TRAPPC12: variants seen among roughly 807,000 people sequenced by gnomAD.
TRAPPC12 encodes trafficking protein particle complex subunit 12, also known as TPR repeat protein 15.
Under a neutral mutation model 69.2 loss-of-function variants are expected in TRAPPC12, and 61 were observed. The ratio of observed to expected loss-of-function variants is 0.88; its 90% CI spans 0.72 to 1.09. TRAPPC12 has a LOEUF of 1.09. Ranked by LOEUF, TRAPPC12 falls within the 50% of genes least tolerant of loss-of-function variation. The pLI, the probability that TRAPPC12 is intolerant of heterozygous loss-of-function variation, is 0.00. For synonymous variants in TRAPPC12, 469 were observed against 438.9 expected (o/e 1.07, Z -0.86); for missense variants, 1,101 against 1,016.4 (o/e 1.08, Z -1.13).
chr2:3,428,211 G>C (rs1211249614), intron 5 of TRAPPC12, among the ~76,000 whole-genome samples: 1 of 152,192 alleles, frequency 6.6e-6, no homozygotes, highest in Non-Finnish European at 1.5e-5. Context: ...TTGGTAAATG[G>C]ATAAAGAGAA....
In TRAPPC12 at chr2:3,388,199, G is replaced by C; in HGVS notation, c.576G>C (p.Ser192=). 1.9e-6 allele frequency: 3 copies of C among 1,609,268 alleles called. No individual in the cohort carries two copies. Among genetic ancestry groups the C allele is most frequent in the Non-Finnish European group, 2.5e-6 (3 of 1,177,946 alleles). ...SPSFGGASEA[S]ARTPPQVVQP... ...GCTTCGGTGGCGCCAGCGAGGCCTC[G>C]GCCAGGACACCGCCCCAGGTCGTGC... is the stretch of plus-strand genomic sequence containing the variant. The change falls in exon 2 of 12, where the codon TCG becomes TCC. Residue 192 remains serine, a synonymous_variant. Coordinates refer to ENST00000324266, the MANE Select transcript of TRAPPC12 (RefSeq NM_016030.6).
intron 9 of TRAPPC12, among the ~76,000 whole-genome samples, chr2:3,470,442 C>T (rs1666012528): frequency 6.6e-6 from 1 of 152,278 alleles, no homozygotes; most frequent in African/African-American, 2.4e-5. Flanking sequence ...CTGCTGGACT[C>T]TCTGCACTGT....
At chr2:3,422,961 C>T (rs1012844389) in intron 4 of TRAPPC12, among the ~76,000 whole-genome samples, 4 of 152,362 alleles carry the variant, frequency 2.6e-5, no homozygotes, top group East Asian at 1.9e-4. Flanking sequence ...AAACTGTGCC[C>T]GGCGCAGTGG....
chr2:3,443,858 T>TA lies in TRAPPC12; in HGVS notation c.1498dup (p.Arg500LysfsTer101), dbSNP rs781465245. 6.2e-7 allele frequency: 1 copy of TA among 1,614,062 alleles called. No homozygotes were observed. Among genetic ancestry groups the TA allele is most frequent in the Non-Finnish European group, 8.5e-7 (1 of 1,180,024 alleles). On this transcript the variant is annotated frameshift_variant, in exon 6 of 12. Coordinates refer to ENST00000324266, the MANE Select transcript of TRAPPC12 (RefSeq NM_016030.6). LOFTEE classifies it high-confidence loss of function. ...TGGGGAACCCACAGGAGTCGCTGGA[T>TA]AGACTGCACAAGGTGAAGACTGTCT...
chr2:3,445,576 A>G (rs1047174373), intron 6 of TRAPPC12, among the ~76,000 whole-genome samples: 1 of 152,218 alleles, frequency 6.6e-6, no homozygotes, highest in South Asian at 2.1e-4. Context: ...CTGAGTTCCA[A>G]TATTAACTCA....
Position 3,478,855 on chromosome 2 carries a change from T to C in TRAPPC12, c.1887T>C (p.Leu629=). Residue 629 remains leucine (L), a synonymous_variant, in exon 11 of 12, where the codon CTT becomes CTC. Coordinates refer to ENST00000324266, the MANE Select transcript of TRAPPC12 (RefSeq NM_016030.6). ...GTTGCTTGTGTTACAGCGCGTTCCT[T>C]CACCTCGGGCAGAATAACTTTGCAG... ...KIMVLMNSAF[L]HLGQNNFAEA... is the part of the protein sequence containing the mutation. 1 of 1,614,050 alleles carries C rather than the reference T, an allele frequency of 6.2e-7. No homozygotes were observed. Among genetic ancestry groups the C allele is most frequent in the Non-Finnish European group, 8.5e-7 (1 of 1,180,012 alleles).
rs144129766 is a variant in TRAPPC12, at chr2:3,448,263, C to T, written c.1530+4372C>T. ...CCATCACACAGCTCCAGAAGCCTCA[C>T]CCTTGAGCACCACTCTGCGGTTCTC... On this transcript the variant is annotated intron_variant, in intron 6 of 11. Transcript: ENST00000324266. Among the ~76,000 whole-genome samples, 117 of 152,314 alleles carry T rather than the reference C, an allele frequency of 7.7e-4. 1 individual carries two copies. Among genetic ancestry groups the T allele is most frequent in the Non-Finnish European group, 1.5e-3 (100 of 68,028 alleles).
At chr2:3,400,763 A>C (rs1407265771) in intron 2 of TRAPPC12, among the ~76,000 whole-genome samples, 1 of 152,112 alleles carries the variant, frequency 6.6e-6, no homozygotes, top group African/African-American at 2.4e-5. Flanking sequence ...GTCCCCATAC[A>C]ACAGACTTGG....
intron 1 of TRAPPC12, among the ~76,000 whole-genome samples, chr2:3,386,727 G>A (rs1217738449): frequency 6.6e-6 from 1 of 152,112 alleles, no homozygotes; most frequent in Non-Finnish European, 1.5e-5. Context: ...AGGGGCGGAC[G>A]GCATGGGGAA....
chr2:3,402,571 C>G (rs1032856230), intron 3 of TRAPPC12, among the ~76,000 whole-genome samples: 1 of 152,120 alleles, frequency 6.6e-6, no homozygotes, highest in Non-Finnish European at 1.5e-5. Flanking sequence ...ACTCCAGCCT[C>G]GGCTACAGAG....
At chr2:3,458,101 C>T (rs1181808423) in intron 7 of TRAPPC12, 2 of 1,030,576 alleles carry the variant, frequency 1.9e-6, no homozygotes, top group East Asian at 8.9e-5. Context: ...CGGGAGGGTG[C>T]TTCAGGAGGA....
At chr2:3,440,002 G>T (rs1664109348) in intron 5 of TRAPPC12, among the ~76,000 whole-genome samples, 1 of 151,502 alleles carries the variant, frequency 6.6e-6, no homozygotes, top group Non-Finnish European at 1.5e-5. Context: ...GACTATATTT[G>T]TGAGGACCAA....
At chr2:3,407,753 G>A (rs949582198) in intron 3 of TRAPPC12, among the ~76,000 whole-genome samples, 9 of 151,656 alleles carry the variant, frequency 5.9e-5, no homozygotes, top group Admixed American at 3.3e-4. Flanking sequence ...CCAAGATCAC[G>A]CCACTGCACT....
chr2:3,399,222 C>T (rs1432554237), intron 2 of TRAPPC12, among the ~76,000 whole-genome samples: 1 of 152,232 alleles, frequency 6.6e-6, no homozygotes, highest in Non-Finnish European at 1.5e-5. Context: ...ACAGCATGGT[C>T]TCATTGATAA....
At chr2:3,396,322 G>A (rs1298141454) in intron 2 of TRAPPC12, among the ~76,000 whole-genome samples, 1 of 151,664 alleles carries the variant, frequency 6.6e-6, no homozygotes, top group African/African-American at 2.4e-5. Context: ...GAAGTCTGTA[G>A]TAATTCTTAT....
chr2:3,400,703 A>C (rs1661391502), intron 2 of TRAPPC12, among the ~76,000 whole-genome samples: 1 of 152,118 alleles, frequency 6.6e-6, no homozygotes, highest in Non-Finnish European at 1.5e-5. Flanking sequence ...AACAGCACTG[A>C]GGCCTGTGGA....
chr2:3,441,186 G>C (rs1251912715), intron 5 of TRAPPC12, among the ~76,000 whole-genome samples: 1 of 152,030 alleles, frequency 6.6e-6, no homozygotes, highest in African/African-American at 2.4e-5. Context: ...TTTGGTATTA[G>C]GGTAATGCCA....
chr2:3,447,650 C>T (rs1664586194), intron 6 of TRAPPC12, among the ~76,000 whole-genome samples: 1 of 152,176 alleles, frequency 6.6e-6, no homozygotes, highest in African/African-American at 2.4e-5. Flanking sequence ...CACATTTCAA[C>T]ATGAGATTTG....
At chr2:3,405,051 G>T (rs562829594) in intron 3 of TRAPPC12, among the ~76,000 whole-genome samples, 6 of 152,072 alleles carry the variant, frequency 3.9e-5, no homozygotes, top group African/African-American at 1.4e-4. Context: ...GAACCCTCGG[G>T]TTCCAGGGAG....
Sources: gnomAD v4.1 joint callset for allele counts (sites outside exome capture counted in the v4.1 genomes callset) on GRCh38, gnomAD v4.1.1 for gene constraint, MANE v1.5 for transcripts, NCBI Gene and HGNC (gene_info 2026-07-23, HGNC 2026-07-21) for gene names.